The following ST6GALNAC3 variants were observed in gnomAD, a reference collection of about 807,000 sequenced individuals.
ST6GALNAC3 encodes the protein ST6 N-acetylgalactosaminide alpha-2,6-sialyltransferase 3, also known as alpha-N-acetylgalactosaminide alpha-2,6-sialyltransferase 3.
Under a neutral mutation model 32.7 loss-of-function variants are expected in ST6GALNAC3, and 25 were observed. The ratio of observed to expected loss-of-function variants is 0.76; its 90% CI spans 0.56 to 1.07. The LOEUF is 1.07. Among genes scored for constraint, ST6GALNAC3 ranks in the 50% least tolerant of loss-of-function variants. The pLI, the probability that ST6GALNAC3 is intolerant of heterozygous loss-of-function variation, is 0.00. For missense variants in ST6GALNAC3, 355 were observed against 382.4 expected (o/e 0.93, Z 0.60); for synonymous variants, 129 against 133.1 (o/e 0.97, Z 0.21).
chr1:76,467,200 A>T (rs569626354), intron 3 of ST6GALNAC3, among the ~76,000 whole-genome samples: 1 of 152,174 alleles, frequency 6.6e-6, no homozygotes, highest in South Asian at 2.1e-4. Flanking sequence ...TAATGTTGGC[A>T]CTTGGAGTAA....
chr1:76,378,094 T>A (rs1651381639), intron 2 of ST6GALNAC3, among the ~76,000 whole-genome samples: 1 of 152,184 alleles, frequency 6.6e-6, no homozygotes, highest in African/African-American at 2.4e-5. Flanking sequence ...TTGGCTCTTG[T>A]CCCTACCTTA....
At chr1:76,084,882 A>G (rs1008199252) in intron 1 of ST6GALNAC3, among the ~76,000 whole-genome samples, 3 of 152,202 alleles carry the variant, frequency 2.0e-5, no homozygotes, top group South Asian at 2.1e-4. Context: ...CAGGCAGCCT[A>G]CTAGGTAGTT....
chr1:76,165,443 A>G (rs969055325), intron 1 of ST6GALNAC3, among the ~76,000 whole-genome samples: 2 of 152,170 alleles, frequency 1.3e-5, no homozygotes, highest in East Asian at 1.9e-4. Flanking sequence ...GGTTGATTCA[A>G]TGTCTTTACA....
intron 1 of ST6GALNAC3, among the ~76,000 whole-genome samples, chr1:76,106,348 C>T (rs1647529486): frequency 6.6e-6 from 1 of 152,128 alleles, no homozygotes; most frequent in African/African-American, 2.4e-5. Flanking sequence ...TGAGCTGAAC[C>T]ATGTTGGTTG....
chr1:76,554,026 G>C (rs138223644), intron 3 of ST6GALNAC3, among the ~76,000 whole-genome samples: 13 of 152,188 alleles, frequency 8.5e-5, no homozygotes, highest in Admixed American at 3.9e-4. Flanking sequence ...AACATTTAAT[G>C]GTTCTTCTTT....
chr1:76,285,361 G>C (rs1214059782), intron 1 of ST6GALNAC3, among the ~76,000 whole-genome samples: 1 of 147,588 alleles, frequency 6.8e-6, no homozygotes, highest in African/African-American at 2.5e-5. Flanking sequence ...GACAACAGGA[G>C]GCCAGGCCCC....
In ST6GALNAC3 at chr1:76,412,304, C is replaced by T. The variant is rs761379368; in HGVS notation, c.510C>T (p.Tyr170=). 1.2e-6 allele frequency: 2 copies of T among 1,613,562 alleles called. No homozygotes were observed. The highest frequency in any genetic ancestry group is 2.2e-5 in the South Asian group (2 of 91,062). ...GGAAAGATGGCAATGGCATCGTTTA[C>T]AACATGTTGAAAAAGACAGTTGGTA... ...NMRKDGNGIV[Y]NMLKKTVGIY... Residue 170 remains tyrosine, a synonymous_variant, in exon 3 of 5, where the codon TAC becomes TAT. Transcript: ENST00000328299.
intron 3 of ST6GALNAC3, among the ~76,000 whole-genome samples, chr1:76,479,773 A>AT (rs1475351423): frequency 6.6e-6 from 1 of 152,194 alleles, no homozygotes; most frequent in African/African-American, 2.4e-5. Flanking sequence ...TGGGGGACAT[A>AT]TTCAAATCAT....
intron 3 of ST6GALNAC3, among the ~76,000 whole-genome samples, chr1:76,469,124 A>T (rs1393115978): frequency 6.6e-6 from 1 of 152,106 alleles, no homozygotes; most frequent in African/African-American, 2.4e-5. Flanking sequence ...TCCTCTGATT[A>T]TGTGTTGTAA....
chr1:76,391,386 G>A (rs1035438374), intron 2 of ST6GALNAC3, among the ~76,000 whole-genome samples: 2 of 152,220 alleles, frequency 1.3e-5, no homozygotes, highest in Non-Finnish European at 2.9e-5. Context: ...CCCCAGTTGG[G>A]TGGTTGTACA....
chr1:76,301,327 C>T (rs1660714521), intron 1 of ST6GALNAC3, among the ~76,000 whole-genome samples: 1 of 151,616 alleles, frequency 6.6e-6, no homozygotes, highest in Non-Finnish European at 1.5e-5. Context: ...ATTGGGATGG[C>T]TAATACTGTT....
At chr1:76,295,153 T>A (rs1270213268) in intron 1 of ST6GALNAC3, among the ~76,000 whole-genome samples, 1 of 152,060 alleles carries the variant, frequency 6.6e-6, no homozygotes, top group Non-Finnish European at 1.5e-5. Flanking sequence ...TCTATGAGGC[T>A]TTATTTTTTC....
intron 3 of ST6GALNAC3, among the ~76,000 whole-genome samples, chr1:76,525,524 G>A (rs777339344): frequency 3.3e-5 from 5 of 151,462 alleles, no homozygotes; most frequent in Non-Finnish European, 2.9e-5. Context: ...TATCTCATGA[G>A]CCCATGAACA....
chr1:76,310,590 C>T (rs1221828602), intron 1 of ST6GALNAC3, among the ~76,000 whole-genome samples: 1 of 152,134 alleles, frequency 6.6e-6, no homozygotes, highest in Non-Finnish European at 1.5e-5. Flanking sequence ...GAGGCTGTGA[C>T]CCTGGCCCTG....
Position 76,276,706 on chromosome 1 carries a change from AC to A in ST6GALNAC3, c.19-37097del, listed in dbSNP as rs769071795. 5.9e-5 allele frequency among the ~76,000 whole-genome samples: 9 copies of A among 152,346 alleles called. No individual in the cohort carries two copies. In the East Asian group the frequency reaches 1.7e-3, roughly 29 times the overall value. ...TATAAGAATGGCATTGCCGAATGAA[AC>A]CATGAACAGTCTTTAATGTTACTAT... On this transcript the variant is annotated intron_variant, in intron 1 of 4. Transcript: ENST00000328299.
chr1:76,494,468 TAC>T (rs1472281207), intron 3 of ST6GALNAC3, among the ~76,000 whole-genome samples: 35 of 59,528 alleles, frequency 5.9e-4, no homozygotes, highest in African/African-American at 2.2e-3. Flanking sequence ...TATATATATA[TAC>T]ACACACACAC....
At chr1:76,245,576 A>C (rs533533398) in intron 1 of ST6GALNAC3, among the ~76,000 whole-genome samples, 1 of 152,220 alleles carries the variant, frequency 6.6e-6, no homozygotes, top group African/African-American at 2.4e-5. Context: ...TAATGGTATA[A>C]ATTTCCCTCT....
intron 3 of ST6GALNAC3, among the ~76,000 whole-genome samples, chr1:76,414,174 C>T (rs930416582): frequency 1.3e-5 from 2 of 151,910 alleles, no homozygotes; most frequent in African/African-American, 4.8e-5. Flanking sequence ...AAAGCTGTAT[C>T]GTAGGAAAAT....
chr1:76,323,451 A>G (rs572647623), intron 2 of ST6GALNAC3, among the ~76,000 whole-genome samples: 1 of 152,224 alleles, frequency 6.6e-6, no homozygotes, highest in Admixed American at 6.5e-5. Flanking sequence ...AGTGTCTTTC[A>G]TTGTCCTGTG....
Sources: allele counts gnomAD v4.1 joint callset (sites outside exome capture counted in the v4.1 genomes callset), GRCh38; gene constraint gnomAD v4.1.1; transcripts MANE v1.5; gene names NCBI Gene and HGNC (gene_info 2026-07-23, HGNC 2026-07-21).